MACROD2: variants seen among roughly 807,000 people sequenced by gnomAD.
MACROD2 encodes ADP-ribose glycohydrolase MACROD2.
Under a neutral mutation model 70.4 loss-of-function variants are expected in MACROD2, and 36 were observed. That is an observed-to-expected ratio of 0.51 (90% CI 0.39 to 0.68). MACROD2 has a LOEUF of 0.68. MACROD2 is among the 30% of genes least tolerant of loss of function. MACROD2 has a pLI of 0.00. For missense variants in MACROD2, 496 were observed against 538.4 expected (o/e 0.92, Z 0.78); for synonymous variants, 172 against 178.8 (o/e 0.96, Z 0.30).
intron 8 of MACROD2, among the ~76,000 whole-genome samples, chr20:15,690,184 C>T (rs1018794076): frequency 1.3e-5 from 2 of 152,192 alleles, no homozygotes; most frequent in Non-Finnish European, 2.9e-5. Flanking sequence ...ACAATTGCAG[C>T]AACACCACAG....
In MACROD2 at chr20:14,943,948, G is replaced by C. The variant is rs183688015; in HGVS notation, c.418+258989G>C. 2.6e-5 allele frequency among the ~76,000 whole-genome samples: 4 copies of C among 152,140 alleles called. No individual in the cohort carries two copies. The East Asian group carries it at 7.7e-4, about 29-fold the overall frequency. On this transcript the variant is annotated intron_variant, in intron 5 of 17. Transcript: ENST00000684519. ...TGTTTCTTTTTATTGTTGTCTTAAG[G>C]TTATCACCATTCAGTAATTTTACTA...
intron 5 of MACROD2, among the ~76,000 whole-genome samples, chr20:15,143,805 G>A (rs1288722894): frequency 3.3e-5 from 5 of 151,080 alleles, no homozygotes; most frequent in Admixed American, 6.6e-5. Context: ...TCATATTCTC[G>A]ATTCACAATA....
intron 2 of MACROD2, among the ~76,000 whole-genome samples, chr20:14,018,681 G>T (rs911651985): frequency 6.6e-6 from 1 of 151,868 alleles, no homozygotes; most frequent in Non-Finnish European, 1.5e-5. Flanking sequence ...CTCTTCGTTG[G>T]TCTCATTCAG....
At chr20:15,516,561 G>A (rs1434452270) in intron 8 of MACROD2, among the ~76,000 whole-genome samples, 3 of 152,150 alleles carry the variant, frequency 2.0e-5, no homozygotes, top group Admixed American at 1.3e-4. Flanking sequence ...GCTGGGCAGA[G>A]GACAGAGTCA....
chr20:14,544,731 G>A (rs1349564488), intron 4 of MACROD2, among the ~76,000 whole-genome samples: 1 of 152,144 alleles, frequency 6.6e-6, no homozygotes, highest in African/African-American at 2.4e-5. Context: ...CAATAAGGAA[G>A]GCAACTGGAG....
intron 8 of MACROD2, among the ~76,000 whole-genome samples, chr20:15,513,175 T>G (rs546021536): frequency 1.3e-5 from 2 of 152,342 alleles, no homozygotes; most frequent in Admixed American, 1.3e-4. Context: ...CTGTTTTTTA[T>G]AAGTTCTTTC....
intron 4 of MACROD2, among the ~76,000 whole-genome samples, chr20:14,557,109 A>G (rs2123280149): frequency 6.6e-6 from 1 of 152,110 alleles, no homozygotes; most frequent in South Asian, 2.1e-4. Flanking sequence ...GAGTGCCAAG[A>G]CAATTCAATG....
At chr20:15,941,558 T>G (rs2065751405) in intron 12 of MACROD2, among the ~76,000 whole-genome samples, 1 of 152,196 alleles carries the variant, frequency 6.6e-6, no homozygotes. Context: ...GGCAGTCATA[T>G]GCGTGGAGGA....
At chr20:14,409,515 C>G (rs1044798268) in intron 3 of MACROD2, among the ~76,000 whole-genome samples, 9 of 151,768 alleles carry the variant, frequency 5.9e-5, no homozygotes, top group Admixed American at 1.3e-4. Context: ...TCATCCAGGC[C>G]AAGTAACCAT....
At chr20:14,930,832 AT>A (rs1030506222) in intron 5 of MACROD2, among the ~76,000 whole-genome samples, 18 of 128,078 alleles carry the variant, frequency 1.4e-4, no homozygotes, top group East Asian at 4.5e-4. Context: ...TTTTTAAGTA[AT>A]TTTTTTTTAA....
At chr20:15,572,629 T>G (rs2048390595) in intron 8 of MACROD2, among the ~76,000 whole-genome samples, 1 of 152,126 alleles carries the variant, frequency 6.6e-6, no homozygotes, top group Non-Finnish European at 1.5e-5. Flanking sequence ...TGATATACCT[T>G]TAAATTATAT....
intron 4 of MACROD2, among the ~76,000 whole-genome samples, chr20:14,677,372 C>T (rs1050173799): frequency 6.6e-6 from 1 of 152,286 alleles, no homozygotes; most frequent in Admixed American, 6.5e-5. Context: ...CTTTCTATCC[C>T]GCTCTCAGAC....
chr20:14,933,229 TACAATC>T (rs2074311757), intron 5 of MACROD2, among the ~76,000 whole-genome samples: 1 of 152,140 alleles, frequency 6.6e-6, no homozygotes, highest in South Asian at 2.1e-4. Flanking sequence ...TCAAAATTCT[TACAATC>T]ATAGAAACAG....
At chr20:15,477,878 C>T (rs2047043914) in intron 7 of MACROD2, among the ~76,000 whole-genome samples, 1 of 152,056 alleles carries the variant, frequency 6.6e-6, no homozygotes. Context: ...GAAGACAATG[C>T]ACCGTAACAG....
intron 7 of MACROD2, among the ~76,000 whole-genome samples, chr20:15,441,774 C>G (rs926789727): frequency 6.6e-6 from 1 of 152,054 alleles, no homozygotes; most frequent in Non-Finnish European, 1.5e-5. Context: ...CCCACCCACC[C>G]CTTCCTCAGA....
intron 5 of MACROD2, chr20:14,894,751 T>C (rs2073807115): frequency 6.6e-6 from 1 of 152,206 alleles, no homozygotes; most frequent in Non-Finnish European, 1.5e-5. Flanking sequence ...CAAGGATTAA[T>C]TCATATTAAC....
At chr20:15,493,578 A>G (rs1483343633) in intron 7 of MACROD2, among the ~76,000 whole-genome samples, 1 of 152,204 alleles carries the variant, frequency 6.6e-6, no homozygotes, top group Non-Finnish European at 1.5e-5. Flanking sequence ...GAGTTCTAGT[A>G]AACATATTTG....
intron 5 of MACROD2, among the ~76,000 whole-genome samples, chr20:15,157,359 A>ACCCCCCCCCCCCCCCCC (rs1568606906): frequency 8.7e-6 from 1 of 115,306 alleles, no homozygotes; most frequent in Non-Finnish European, 1.9e-5. Flanking sequence ...ACCCCCCCCC[A>ACCCCCCCCCCCCCCCCC]CCTCCCCCCC....
chr20:15,141,728 C>T (rs916489393), intron 5 of MACROD2, among the ~76,000 whole-genome samples: 1 of 152,040 alleles, frequency 6.6e-6, no homozygotes, highest in African/African-American at 2.4e-5. Context: ...TCAATGCTGC[C>T]AGAAGGATTT....
Sources: allele counts gnomAD v4.1 joint callset (sites outside exome capture counted in the v4.1 genomes callset), GRCh38; gene constraint gnomAD v4.1.1; transcripts MANE v1.5; gene names NCBI Gene and HGNC (gene_info 2026-07-23, HGNC 2026-07-21).